The following ARMC6 variants were observed in gnomAD, a reference collection of about 807,000 sequenced individuals.
The protein encoded by ARMC6 is armadillo repeat-containing protein 6.
ARMC6 carries 43 observed loss-of-function variants against 49.2 expected under a neutral mutation model. The ratio of observed to expected loss-of-function variants is 0.87; its 90% CI spans 0.69 to 1.13. The LOEUF is 1.13. Among genes scored for constraint, ARMC6 ranks in the 50% most tolerant of loss-of-function variants. The pLI is 0.00. For missense variants in ARMC6, 627 were observed against 682.0 expected (o/e 0.92, Z 0.90); for synonymous variants, 262 against 289.6 (o/e 0.90, Z 0.97).
chr19:19,049,730 A>G (rs571812158), intron 4 of ARMC6, among the ~76,000 whole-genome samples: 1 of 152,280 alleles, frequency 6.6e-6, no homozygotes, highest in African/African-American at 2.4e-5. Flanking sequence ...CCTCATATAA[A>G]TGGAATCACA....
chr19:19,037,401 A>G (rs969110506), intron 2 of ARMC6, among the ~76,000 whole-genome samples: 12 of 150,140 alleles, frequency 8.0e-5, no homozygotes, highest in Non-Finnish European at 1.8e-4. Flanking sequence ...TTTTGAGACA[A>G]GGTCTTACTT....
At position 19,057,752 on chromosome 19, in the gene ARMC6, A is replaced by T. The variant is rs1219670841; in HGVS notation, c.*124A>T. 8.5e-6 allele frequency: 7 copies of T among 822,650 alleles called. No individual in the cohort carries two copies. The highest frequency in any genetic ancestry group is 3.1e-5 in the East Asian group (1 of 32,516). 51.0% of individuals were successfully genotyped at this position (822,650 alleles called of 1,614,324 possible). ...TTCACAATGAGAAGTGTTTTCTGGCAGGCCCTAGGTAAAGGGTCGGGGGAG... is the reference window on the plus strand; with the variant it reads ...TTCACAATGAGAAGTGTTTTCTGGCTGGCCCTAGGTAAAGGGTCGGGGGAG... On this transcript the variant is annotated 3_prime_UTR_variant, in exon 9 of 9. Transcript: ENST00000535612.
intron 4 of ARMC6, among the ~76,000 whole-genome samples, chr19:19,045,466 C>A (rs181467466): frequency 1.1e-4 from 14 of 125,378 alleles, no homozygotes; most frequent in African/African-American, 4.3e-4. Context: ...TTAAGTACTT[C>A]TTAAGTGCTC....
chr19:19,043,849 G>A lies in ARMC6; in HGVS notation c.197-143G>A, dbSNP rs1434932024. 4.4e-6 allele frequency: 3 copies of A among 688,510 alleles called. No individual in the cohort carries two copies. In the Admixed American group the frequency reaches 6.6e-5, roughly 15 times the overall value. The allele number at this position is 688,510 out of a possible 1,614,324, so 42.7% of individuals were successfully genotyped here. On this transcript the variant is annotated intron_variant, in intron 3 of 8. Coordinates refer to ENST00000535612, the MANE Select transcript of ARMC6 (RefSeq NM_001199196.2). ...ACACCCCCGTGATGATGTGGCATGG[G>A]CGGGAATAGGGAGGTGGGAGGCTTC...
intron 4 of ARMC6, among the ~76,000 whole-genome samples, chr19:19,047,610 A>G (rs1568492603): frequency 2.6e-5 from 4 of 152,222 alleles, no homozygotes; most frequent in Admixed American, 2.0e-4. Context: ...GGTGAGCGCC[A>G]CAGAAAATTG....
chr19:19,052,082 G>C lies in ARMC6; in HGVS notation c.740G>C (p.Arg247Pro). The change falls in exon 5 of 9, where the codon CGT (arginine) becomes CCT (proline). Residue 247 changes from arginine to proline, a missense_variant. By Grantham distance (103) the Arg-to-Pro change is moderately radical. Coordinates refer to ENST00000535612, the MANE Select transcript of ARMC6 (RefSeq NM_001199196.2). ...GTCAGGGAAGCCTGCTGGGCCCTGC[G>C]TGTCATGACCTTCGATGACGACATC... The part of the protein sequence containing the change: ...DVVREACWAL[R>P]VMTFDDDIRV... 6.2e-7 allele frequency: 1 copy of C among 1,613,952 alleles called. No individual in the cohort carries two copies. Among genetic ancestry groups the C allele is most frequent in the South Asian group, 1.1e-5 (1 of 91,090 alleles).
chr19:19,056,905 C>T (rs2059549573), intron 8 of ARMC6, among the ~76,000 whole-genome samples: 1 of 152,222 alleles, frequency 6.6e-6, no homozygotes, highest in Non-Finnish European at 1.5e-5. Flanking sequence ...GCCAGCAGTT[C>T]CCCACTCTGC....
Position 19,057,979 on chromosome 19 carries a change from C to T in ARMC6, c.*351C>T. On this transcript the variant is annotated 3_prime_UTR_variant, in exon 9 of 9. Transcript: ENST00000535612. Reference sequence around the variant, plus strand: ...CAGCCACTGTGGGCCAGGCTCAGGGCAGGGCAGGCGATTCCAGTGGGGTTG... The same window carrying T: ...CAGCCACTGTGGGCCAGGCTCAGGGTAGGGCAGGCGATTCCAGTGGGGTTG... The T allele has an allele frequency of 5.2e-6, 2 of 385,936 alleles. No homozygotes were observed. The highest frequency in any genetic ancestry group is 4.5e-5 in the South Asian group (2 of 44,810). 23.9% of individuals were successfully genotyped at this position (385,936 alleles called of 1,614,324 possible).
intron 3 of ARMC6, 84 bp downstream of exon 3, chr19:19,042,961 G>C: frequency 6.5e-7 from 1 of 1,540,734 alleles, no homozygotes. Flanking sequence ...GCCCCACTGG[G>C]GGTGCCACAT....
chr19:19,052,008 G>A lies in ARMC6; in HGVS notation c.666G>A (p.Leu222=), dbSNP rs201709743. 3 of 1,614,076 alleles carry A rather than the reference G, an allele frequency of 1.9e-6. No individual in the cohort carries two copies. In the South Asian group the frequency reaches 3.3e-5, roughly 18 times the overall value. ...NRQDLVKAGV[L]PLLTGAITHH... is the part of the protein sequence containing the mutation. ...AAGACCTGGTGAAAGCTGGCGTGCT[G>A]CCTCTGCTGACTGGTGCCATCACCC... is the stretch of plus-strand genomic sequence containing the variant. Residue 222 remains leucine, a synonymous_variant, in exon 5 of 9, where the codon CTG becomes CTA. Transcript: ENST00000535612.
intron 2 of ARMC6, chr19:19,037,541 A>G (rs978363284): frequency 1.7e-5 from 13 of 747,884 alleles, no homozygotes; most frequent in Non-Finnish European, 2.6e-5. Flanking sequence ...TAATTTTGGT[A>G]TTTTTTATAG....
At chr19:19,053,950 T>G (rs1416586772) in intron 5 of ARMC6, among the ~76,000 whole-genome samples, 2 of 151,794 alleles carry the variant, frequency 1.3e-5, no homozygotes, top group African/African-American at 4.8e-5. Context: ...GGGGGGCACA[T>G]TCTTAAGTCT....
At chr19:19,053,444 G>A (rs770997186) in intron 5 of ARMC6, among the ~76,000 whole-genome samples, 7 of 152,056 alleles carry the variant, frequency 4.6e-5, no homozygotes, top group Non-Finnish European at 7.4e-5. Flanking sequence ...CCAAGATCAC[G>A]CCACTGCACT....
At position 19,033,944 on chromosome 19, in the gene ARMC6, G is replaced by A; in HGVS notation, c.-80+14G>A. ...CGCGAAGACCGGGTGAGACGCTGCGGCTGCCGAGGCCTGTCCCGCGCGGAG... is the reference window on the plus strand; with the variant it reads ...CGCGAAGACCGGGTGAGACGCTGCGACTGCCGAGGCCTGTCCCGCGCGGAG... On this transcript the variant is annotated intron_variant, in intron 1 of 8. Coordinates refer to ENST00000535612, the MANE Select transcript of ARMC6 (RefSeq NM_001199196.2). 1 of 462,290 alleles carries A rather than the reference G, an allele frequency of 2.2e-6. No individual in the cohort carries two copies. Among genetic ancestry groups the A allele is most frequent in the South Asian group, 2.5e-5 (1 of 39,758 alleles). 28.6% of individuals were successfully genotyped at this position (462,290 alleles called of 1,614,324 possible). A position where few individuals can be genotyped will look rare whatever the true frequency, so the allele number is the denominator to read the frequency against.
At chr19:19,054,439 C>T (rs924127275) in intron 6 of ARMC6, 118 bp downstream of exon 6, 1 of 1,121,668 alleles carries the variant, frequency 8.9e-7, no homozygotes, top group African/African-American at 1.6e-5. Flanking sequence ...TGCAGTTTTT[C>T]TTTTCACGGA....
At chr19:19,034,936 A>G (rs1317062291) in intron 2 of ARMC6, among the ~76,000 whole-genome samples, 4 of 147,052 alleles carry the variant, frequency 2.7e-5, no homozygotes, top group Non-Finnish European at 5.9e-5. Flanking sequence ...ATCTCAGCTC[A>G]CTGCAAGCTC....
At chr19:19,037,256 CCTT>C (rs1253024402) in intron 2 of ARMC6, among the ~76,000 whole-genome samples, 1 of 152,018 alleles carries the variant, frequency 6.6e-6, no homozygotes, top group Non-Finnish European at 1.5e-5. Context: ...GCGAGCCAGT[CCTT>C]CTCCCGTCAG....
In ARMC6 at chr19:19,054,198, G is replaced by T. The variant is rs199499546; in HGVS notation, c.900G>T (p.Leu300=). The T allele has an allele frequency of 3.7e-6, 6 of 1,610,910 alleles. No individual in the cohort carries two copies. Among genetic ancestry groups the T allele is most frequent in the Non-Finnish European group, 5.1e-6 (6 of 1,178,630 alleles). Residue 300 remains leucine, a synonymous_variant, in exon 6 of 9, where the codon CTG becomes CTT. Coordinates refer to ENST00000535612, the MANE Select transcript of ARMC6 (RefSeq NM_001199196.2). ...PGILSELCGT[L]SRLAIRNEFC... is the part of the protein sequence containing the mutation. ...TCCTGAGCGAGCTCTGTGGAACCCT[G>T]TCCCGCCTGGCCATTCGCAACGAGT...
chr19:19,036,696 A>G (rs1186082400), intron 2 of ARMC6, among the ~76,000 whole-genome samples: 1 of 152,208 alleles, frequency 6.6e-6, no homozygotes, highest in East Asian at 1.9e-4. Context: ...GCCTATCTGC[A>G]AAAGAGTGAG....
Sources: gnomAD v4.1 joint callset for allele counts (sites outside exome capture counted in the v4.1 genomes callset) on GRCh38, gnomAD v4.1.1 for gene constraint, MANE v1.5 for transcripts, NCBI Gene and HGNC (gene_info 2026-07-23, HGNC 2026-07-21) for gene names.